Variants in PPP1R9A observed in about 807,000 individuals in gnomAD.
The protein encoded by PPP1R9A is protein phosphatase 1 regulatory subunit 9A.
In PPP1R9A, 59 loss-of-function variants were observed where a neutral mutation model predicts 141.9. The observed-to-expected ratio is 0.42, with a 90% CI of 0.34 to 0.52. The LOEUF (loss-of-function observed/expected upper bound fraction) is 0.52, where lower values mean the gene tolerates loss of function less well. Ranked by LOEUF, PPP1R9A falls within the 20% of genes least tolerant of loss-of-function variation. The probability of loss-of-function intolerance (pLI) is 0.10; values close to 1 mark genes in which losing one functional copy is unlikely to be tolerated. For synonymous variants in PPP1R9A, 500 were observed against 569.7 expected (o/e 0.88, Z 1.74); for missense variants, 1,444 against 1,611.9 (o/e 0.90, Z 1.78).
chr7:95,017,884 G>A (rs1805328045), intron 2 of PPP1R9A, among the ~76,000 whole-genome samples: 1 of 152,114 alleles, frequency 6.6e-6, no homozygotes, highest in Non-Finnish European at 1.5e-5. Flanking sequence ...AGATGCATTG[G>A]CATGTTTGTT....
intron 6 of PPP1R9A, among the ~76,000 whole-genome samples, chr7:95,201,019 C>G (rs1789454222): frequency 6.6e-6 from 1 of 152,134 alleles, no homozygotes; most frequent in Admixed American, 6.5e-5. Flanking sequence ...CACAGAATAA[C>G]TGGGTAACAA....
chr7:95,084,069 G>A (rs1816287704), intron 2 of PPP1R9A, among the ~76,000 whole-genome samples: 1 of 151,978 alleles, frequency 6.6e-6, no homozygotes, highest in Admixed American at 6.5e-5. Flanking sequence ...TCTTTTTAAA[G>A]TTCTTAAAAA....
chr7:94,947,325 T>C (rs1385770469), intron 2 of PPP1R9A, among the ~76,000 whole-genome samples: 1 of 152,116 alleles, frequency 6.6e-6, no homozygotes. Flanking sequence ...CACCCTCTCC[T>C]GAATTCCTGT....
chr7:95,053,274 A>G (rs1001664608), intron 2 of PPP1R9A, among the ~76,000 whole-genome samples: 1 of 152,194 alleles, frequency 6.6e-6, no homozygotes, highest in Admixed American at 6.5e-5. Context: ...TGTAATAGAA[A>G]TGGGTTATGG....
At chr7:95,228,681 A>G (rs1335989757) in intron 8 of PPP1R9A, among the ~76,000 whole-genome samples, 1 of 152,210 alleles carries the variant, frequency 6.6e-6, no homozygotes, top group East Asian at 1.9e-4. Flanking sequence ...GAATCACTTT[A>G]TAAATACCCT....
At chr7:95,061,423 C>G (rs1313847891) in intron 2 of PPP1R9A, among the ~76,000 whole-genome samples, 2 of 152,176 alleles carry the variant, frequency 1.3e-5, no homozygotes, top group Admixed American at 6.5e-5. Flanking sequence ...AACTTGTTAT[C>G]ATTCTTTGAA....
chr7:95,171,392 T>C (rs1245922450), intron 5 of PPP1R9A, among the ~76,000 whole-genome samples: 4 of 151,604 alleles, frequency 2.6e-5, no homozygotes, highest in African/African-American at 7.2e-5. Flanking sequence ...TGTGGTTATA[T>C]TGATATTAGA....
chr7:94,924,053 G>C (rs1793155324), intron 2 of PPP1R9A, among the ~76,000 whole-genome samples: 2 of 152,034 alleles, frequency 1.3e-5, no homozygotes, highest in Non-Finnish European at 2.9e-5. Flanking sequence ...GTGATATATA[G>C]ATGATTGTAT....
chr7:95,197,797 C>T (rs567543611), intron 5 of PPP1R9A, among the ~76,000 whole-genome samples: 10 of 152,062 alleles, frequency 6.6e-5, no homozygotes, highest in African/African-American at 9.6e-5. Flanking sequence ...TACAGGTGCG[C>T]GCCACCACGC....
intron 8 of PPP1R9A, among the ~76,000 whole-genome samples, chr7:95,241,154 G>A (rs1347897944): frequency 6.6e-6 from 1 of 152,124 alleles, no homozygotes; most frequent in Non-Finnish European, 1.5e-5. Context: ...GTAATTTCCA[G>A]TCTTCACTGC....
intron 12 of PPP1R9A, among the ~76,000 whole-genome samples, chr7:95,264,752 C>A (rs1300183470): frequency 6.6e-6 from 1 of 151,924 alleles, no homozygotes; most frequent in Admixed American, 6.6e-5. Context: ...AGCTGCATTG[C>A]GTCAGAGGTA....
chr7:94,908,145 G>A (rs770681027), intron 1 of PPP1R9A: 8 of 150,756 alleles, frequency 5.3e-5, no homozygotes, highest in Non-Finnish European at 1.0e-4. Flanking sequence ...CTCGGGTAAG[G>A]GGGAGGCTGA....
At position 94,910,982 on chromosome 7, in the gene PPP1R9A, C is replaced by T. The variant is rs1369961720; in HGVS notation, c.869C>T (p.Ala290Val). 2 of 1,614,126 alleles carry T rather than the reference C, an allele frequency of 1.2e-6. No individual in the cohort carries two copies. The highest frequency in any genetic ancestry group is 1.7e-5 in the Admixed American group (1 of 60,014). Residue 290 changes from alanine to valine, a missense_variant, in exon 2 of 20, where the codon GCT becomes GTT. Transcript: ENST00000433360. The surrounding 1 kb of genome is among the most constrained non-coding windows in gnomAD (Gnocchi z 4.5). Reference protein sequence around the residue: ...PEVASKSTSLASIPGEEIQQS... With the variant: ...PEVASKSTSLVSIPGEEIQQS... ...GTGGCTTCTAAAAGTACCTCTCTAGCTTCGATACCTGGTGAAGAGATCCAG... is the reference window on the plus strand; with the variant it reads ...GTGGCTTCTAAAAGTACCTCTCTAGTTTCGATACCTGGTGAAGAGATCCAG...
At chr7:94,912,113 T>A (rs928988571) in intron 2 of PPP1R9A, among the ~76,000 whole-genome samples, 1 of 152,212 alleles carries the variant, frequency 6.6e-6, no homozygotes, top group African/African-American at 2.4e-5. Context: ...CTGTAAACAG[T>A]CTGAGTTCAA....
At chr7:95,267,141 C>T (rs1022223662) in intron 12 of PPP1R9A, among the ~76,000 whole-genome samples, 2 of 151,986 alleles carry the variant, frequency 1.3e-5, no homozygotes, top group Non-Finnish European at 2.9e-5. Flanking sequence ...TTTGTTAGAG[C>T]CATATACTAA....
At chr7:95,078,859 C>T (rs577785658) in intron 2 of PPP1R9A, among the ~76,000 whole-genome samples, 230 of 151,786 alleles carry the variant, frequency 1.5e-3, no homozygotes, top group Non-Finnish European at 1.6e-3. Flanking sequence ...TGTTTGAGTT[C>T]ATTGTAGATT....
intron 4 of PPP1R9A, among the ~76,000 whole-genome samples, chr7:95,123,542 G>A (rs1384371434): frequency 1.3e-5 from 2 of 152,150 alleles, no homozygotes; most frequent in African/African-American, 4.8e-5. Context: ...CCAGCTACCT[G>A]GGAGACTGAG....
chr7:95,277,914 G>A (rs1168082213), intron 16 of PPP1R9A, among the ~76,000 whole-genome samples: 2 of 152,216 alleles, frequency 1.3e-5, no homozygotes, highest in African/African-American at 2.4e-5. Context: ...AGTTTCCAGT[G>A]TAGTCACGGA....
At chr7:94,990,657 T>A (rs1458137056) in intron 2 of PPP1R9A, among the ~76,000 whole-genome samples, 1 of 152,108 alleles carries the variant, frequency 6.6e-6, no homozygotes, top group Non-Finnish European at 1.5e-5. Flanking sequence ...TCTTCTTATC[T>A]AGCTGTAATT....
Sources: gnomAD v4.1 joint callset for allele counts (sites outside exome capture counted in the v4.1 genomes callset) on GRCh38, gnomAD v4.1.1 for gene constraint, Gnocchi (gnomAD v3.1) non-coding constraint, MANE v1.5 for transcripts, NCBI Gene and HGNC (gene_info 2026-07-23, HGNC 2026-07-21) for gene names.